The following OGA variants were observed in gnomAD, a reference collection of about 807,000 sequenced individuals.
The protein encoded by OGA is O-GlcNAcase.
Under a neutral mutation model 102.0 loss-of-function variants are expected in OGA, and 21 were observed. That is an observed-to-expected ratio of 0.21 (90% confidence interval 0.15 to 0.30). The LOEUF is 0.30. OGA is among the 10% of genes least tolerant of loss of function. The probability of loss-of-function intolerance (pLI) is 1.00; values close to 1 mark genes in which losing one functional copy is unlikely to be tolerated. For missense variants in OGA, 765 were observed against 1,107.8 expected, an observed-to-expected ratio of 0.69 and a Z score of 4.39; for synonymous variants, 408 against 378.2, an observed-to-expected ratio of 1.08 and a Z score of -0.91.
At chr10:101,791,262 T>C in intron 13 of OGA, 92 bp downstream of exon 13, 1 of 1,246,912 alleles carries the variant, frequency 8.0e-7, no homozygotes, top group South Asian at 1.3e-5. Context: ...GGATTTAAAA[T>C]AAATAAATAT....
chr10:101,807,266 G>T (rs2065488850), intron 5 of OGA, among the ~76,000 whole-genome samples: 1 of 152,048 alleles, frequency 6.6e-6, no homozygotes, highest in South Asian at 2.1e-4. Flanking sequence ...GAAACCAGAG[G>T]GGCAAAAAGA....
intron 1 of OGA, among the ~76,000 whole-genome samples, chr10:101,814,262 G>C (rs1313824936): frequency 6.6e-6 from 1 of 151,672 alleles, no homozygotes; most frequent in East Asian, 1.9e-4. Flanking sequence ...CTGGGAGACG[G>C]ACTTGCAGTG....
At chr10:101,805,831 T>C (rs1317060965) in intron 6 of OGA, among the ~76,000 whole-genome samples, 1 of 151,974 alleles carries the variant, frequency 6.6e-6, no homozygotes, top group Non-Finnish European at 1.5e-5. Flanking sequence ...GGCGGGTGCC[T>C]GTAGTCCCAG....
chr10:101,805,453 G>C (rs1305582300), intron 6 of OGA, among the ~76,000 whole-genome samples: 1 of 152,076 alleles, frequency 6.6e-6, no homozygotes, highest in Non-Finnish European at 1.5e-5. Context: ...TCGGGAGTTT[G>C]AGACCAGCCT....
chr10:101,793,458 A>G (rs2065281444), intron 11 of OGA, among the ~76,000 whole-genome samples: 1 of 152,222 alleles, frequency 6.6e-6, no homozygotes. Context: ...CAGCAGCAAA[A>G]AAACTTCCTA....
chr10:101,786,218 C>T lies in OGA; in HGVS notation c.*233G>A. ...AAAGGTCTCAGCACCTAACACAAGA[C>T]TCAAAAAGGAAGCCCACATCTCTCT... On this transcript the variant is annotated 3_prime_UTR_variant, in exon 16 of 16. Coordinates refer to ENST00000361464, the MANE Select transcript of OGA (RefSeq NM_012215.5). 2.7e-6 allele frequency: 1 copy of T among 365,402 alleles called. No homozygotes were observed. The highest frequency in any genetic ancestry group is 4.8e-6 in the Non-Finnish European group (1 of 207,602). The allele number at this position is 365,402 out of a possible 1,614,324, so 22.6% of individuals were successfully genotyped here. A position where few individuals can be genotyped will look rare whatever the true frequency, so the allele number is the denominator to read the frequency against.
intron 14 of OGA, among the ~76,000 whole-genome samples, chr10:101,789,855 T>C (rs2065236289): frequency 6.6e-6 from 1 of 152,196 alleles, no homozygotes; most frequent in South Asian, 2.1e-4. Context: ...GGCTTGCACC[T>C]GTAGTCCCAG....
At position 101,798,095 on chromosome 10, in the gene OGA, T is replaced by A. The variant is rs1182907063; in HGVS notation, c.1869A>T (p.Gly623=). Residue 623 remains glycine (G), a synonymous_variant, in exon 10 of 16, where the codon GGA becomes GGT. Coordinates refer to ENST00000361464, the MANE Select transcript of OGA (RefSeq NM_012215.5). ...KFEEMCGLVM[G]MFTRLSNCAN... ...CACAATTGGAGAGCCGAGTGAACAT[T>A]CCCATCACTAGTCCACACATCTCTT... The A allele has an allele frequency of 6.2e-7, 1 of 1,613,922 alleles. No individual in the cohort carries two copies.
At chr10:101,796,427 A>G (rs1411719216) in intron 10 of OGA, among the ~76,000 whole-genome samples, 3 of 151,850 alleles carry the variant, frequency 2.0e-5, no homozygotes, top group South Asian at 4.1e-4. Flanking sequence ...ACGCCCAGCT[A>G]ATTTTTGTAT....
intron 4 of OGA, 113 bp from the exon 5 acceptor site, chr10:101,808,014 G>T: frequency 1.2e-6 from 1 of 869,348 alleles, no homozygotes; most frequent in Non-Finnish European, 1.6e-6. Context: ...AATGTTCAAA[G>T]ACAGATTTAT....
intron 3 of OGA, among the ~76,000 whole-genome samples, chr10:101,811,877 CAGT>C (rs1234423178): frequency 6.6e-6 from 1 of 152,066 alleles, no homozygotes; most frequent in African/African-American, 2.4e-5. Flanking sequence ...GAATAATTTT[CAGT>C]AGTATCTCAA....
chr10:101,817,723 G>A, intron 1 of OGA, 101 bp downstream of exon 1: 23 of 1,336,674 alleles, frequency 1.7e-5, no homozygotes, highest in Non-Finnish European at 1.0e-6. Context: ...CAGACCCAGA[G>A]GCTTTCCGGC....
At chr10:101,816,510 T>C (rs866850464) in intron 1 of OGA, among the ~76,000 whole-genome samples, 1 of 152,224 alleles carries the variant, frequency 6.6e-6, no homozygotes, top group Admixed American at 6.5e-5. Context: ...CATTCCAGTC[T>C]AGCTCCGAAA....
In OGA at chr10:101,807,721, A is replaced by G. The variant is rs2065494482; in HGVS notation, c.652+9T>C. 3 of 1,574,732 alleles carry G rather than the reference A, an allele frequency of 1.9e-6. No homozygotes were observed. In the South Asian group the frequency reaches 3.5e-5, roughly 18 times the overall value. ...GACTAGTTAAATGTAAAGCCATTATATACAATACCTGTGGGACAGAAGAGG... is the reference window on the plus strand; with the variant it reads ...GACTAGTTAAATGTAAAGCCATTATGTACAATACCTGTGGGACAGAAGAGG... On this transcript the variant is annotated intron_variant, in intron 5 of 15. Coordinates refer to ENST00000361464, the MANE Select transcript of OGA (RefSeq NM_012215.5).
intron 4 of OGA, among the ~76,000 whole-genome samples, chr10:101,808,562 T>C (rs2065505610): frequency 6.6e-6 from 1 of 152,208 alleles, no homozygotes; most frequent in Non-Finnish European, 1.5e-5. Context: ...AATAACTTCA[T>C]TCATGAAAAT....
Position 101,818,443 on chromosome 10 carries a change from G to T in OGA, c.-421C>A, listed in dbSNP as rs934842057. ...TCCACCGCCCGCTTCCTGTTTATCC[G>T]CACTGCGCTTGCGCTGCAGACCGGC... On this transcript the variant is annotated 5_prime_UTR_variant, in exon 1 of 16. Coordinates refer to ENST00000361464, the MANE Select transcript of OGA (RefSeq NM_012215.5). 9.9e-7 allele frequency: 1 copy of T among 1,005,620 alleles called. No homozygotes were observed. The highest frequency in any genetic ancestry group is 1.7e-5 in the African/African-American group (1 of 57,848). The allele number at this position is 1,005,620 out of a possible 1,614,324, so 62.3% of individuals were successfully genotyped here. A position where few individuals can be genotyped will look rare whatever the true frequency, so the allele number is the denominator to read the frequency against.
intron 1 of OGA, among the ~76,000 whole-genome samples, chr10:101,815,963 G>GAAAAAAAAAAAAAAAAAAAA: frequency 2.2e-5 from 1 of 45,008 alleles, no homozygotes; most frequent in East Asian, 4.2e-4. Context: ...CAAAAAGAGA[G>GAAAAAAAAAAAAAAAAAAAA]AAAAAAAAAA....
intron 11 of OGA, among the ~76,000 whole-genome samples, chr10:101,793,281 G>A (rs1211108804): frequency 6.6e-6 from 1 of 151,984 alleles, no homozygotes; most frequent in Non-Finnish European, 1.5e-5. Flanking sequence ...ATCTCCCTAC[G>A]ATAAGATGGC....
At chr10:101,805,737 C>T (rs1185102303) in intron 6 of OGA, among the ~76,000 whole-genome samples, 3 of 150,110 alleles carry the variant, frequency 2.0e-5, no homozygotes, top group Non-Finnish European at 3.0e-5. Context: ...GGGTGGATCA[C>T]GAGGTCAGGA....
Sources: gnomAD v4.1 joint callset for allele counts (sites outside exome capture counted in the v4.1 genomes callset) on GRCh38, gnomAD v4.1.1 for gene constraint, MANE v1.5 for transcripts, NCBI Gene and HGNC (gene_info 2026-07-23, HGNC 2026-07-21) for gene names.